SYN3: variants seen among roughly 807,000 people sequenced by gnomAD.
The protein encoded by SYN3 is synapsin III.
SYN3 carries 35 observed loss-of-function variants against 65.8 expected under a neutral mutation model. The observed-to-expected ratio is 0.53, with a 90% CI of 0.41 to 0.70. The LOEUF is 0.70. Among genes scored for constraint, SYN3 ranks in the 30% least tolerant of loss-of-function variants. The pLI, the probability that SYN3 is intolerant of heterozygous loss-of-function variation, is 0.00. For synonymous variants in SYN3, 270 were observed against 292.9 expected (o/e 0.92, Z 0.80); for missense variants, 680 against 749.0 (o/e 0.91, Z 1.08).
intron 6 of SYN3, among the ~76,000 whole-genome samples, chr22:32,660,502 C>A (rs2060202230): frequency 6.6e-6 from 1 of 152,142 alleles, no homozygotes; most frequent in African/African-American, 2.4e-5. Context: ...GAAGAGACCA[C>A]TTCCTCTCTA....
chr22:32,885,585 G>C (rs2049266168), intron 4 of SYN3, among the ~76,000 whole-genome samples: 1 of 150,950 alleles, frequency 6.6e-6, no homozygotes, highest in Admixed American at 6.6e-5. Context: ...TTTTGAGATA[G>C]AGTCTCGCTC....
intron 6 of SYN3, among the ~76,000 whole-genome samples, chr22:32,739,173 C>CG (rs367627898): frequency 0.032 from 4,106 of 128,210 alleles, 65 homozygotes; most frequent in Admixed American, 0.04. Context: ...AATTGAATCA[C>CG]AGGGGGGGGG....
chr22:32,705,766 G>C (rs1223988682), intron 6 of SYN3, among the ~76,000 whole-genome samples: 1 of 152,074 alleles, frequency 6.6e-6, no homozygotes, highest in African/African-American at 2.4e-5. Context: ...GTAGAGATCT[G>C]TCACCTCCCT....
At chr22:32,570,807 T>A (rs1247727364) in intron 7 of SYN3, among the ~76,000 whole-genome samples, 1 of 152,118 alleles carries the variant, frequency 6.6e-6, no homozygotes, top group African/African-American at 2.4e-5. Context: ...TGCTCAGCAC[T>A]GGGATGCTGA....
rs967865878 is a variant in SYN3 at position 32,508,102 on chromosome 22, G to T, written c.*5590C>A. Among the ~76,000 whole-genome samples the T allele has an allele frequency of 6.6e-6, 1 of 152,094 alleles. No individual in the cohort carries two copies. Among genetic ancestry groups the T allele is most frequent in the East Asian group, 1.9e-4 (1 of 5,178 alleles). On this transcript the variant is annotated 3_prime_UTR_variant, in exon 14 of 14. Transcript: ENST00000358763. ...GCCTCTGAGCCCAAGCCAAGCCATC[G>T]CATCCCCTGTGACTTGCGCGTATAC...
chr22:32,786,223 C>T (rs2046191087), intron 6 of SYN3, among the ~76,000 whole-genome samples: 1 of 152,106 alleles, frequency 6.6e-6, no homozygotes, highest in African/African-American at 2.4e-5. Context: ...AAATCTTTTG[C>T]ATAAGAGCAC....
At chr22:32,616,493 G>A (rs1260464915) in intron 6 of SYN3, among the ~76,000 whole-genome samples, 2 of 152,156 alleles carry the variant, frequency 1.3e-5, no homozygotes, top group Admixed American at 1.3e-4. Context: ...ACAGACACAG[G>A]GCACTGAATC....
intron 6 of SYN3, among the ~76,000 whole-genome samples, chr22:32,830,069 G>A (rs753139935): frequency 1.3e-5 from 2 of 152,180 alleles, no homozygotes; most frequent in African/African-American, 2.4e-5. Flanking sequence ...TGGGGCAGCC[G>A]ACATTTCAGG....
At chr22:32,882,639 G>A (rs920913660) in intron 4 of SYN3, among the ~76,000 whole-genome samples, 2 of 152,074 alleles carry the variant, frequency 1.3e-5, no homozygotes, top group Admixed American at 1.3e-4. Flanking sequence ...CTCCAGAGCG[G>A]GTGTCTTAAC....
At chr22:32,838,017 C>A (rs372185808) in intron 6 of SYN3, among the ~76,000 whole-genome samples, 7 of 152,206 alleles carry the variant, frequency 4.6e-5, no homozygotes, top group Non-Finnish European at 5.9e-5. Context: ...CTCCCTCCGG[C>A]GCCTCCAGGC....
At chr22:32,884,240 A>C (rs1418507433) in intron 4 of SYN3, among the ~76,000 whole-genome samples, 1 of 152,248 alleles carries the variant, frequency 6.6e-6, no homozygotes, top group Non-Finnish European at 1.5e-5. Flanking sequence ...GTTAAGGCCA[A>C]CACTGGCTAA....
chr22:32,935,689 C>A (rs564165842), intron 3 of SYN3, among the ~76,000 whole-genome samples: 1 of 152,056 alleles, frequency 6.6e-6, no homozygotes, highest in Non-Finnish European at 1.5e-5. Context: ...GACCTCAGGG[C>A]GATCCACCCG....
At chr22:32,635,375 T>C (rs1403171733) in intron 6 of SYN3, among the ~76,000 whole-genome samples, 1 of 152,186 alleles carries the variant, frequency 6.6e-6, no homozygotes, top group Non-Finnish European at 1.5e-5. Context: ...GGAAGCTCAG[T>C]AGATGTTGGT....
chr22:32,864,782 G>A (rs1331921247), intron 6 of SYN3, 133 bp downstream of exon 6: 4 of 788,884 alleles, frequency 5.1e-6, no homozygotes, highest in Non-Finnish European at 8.4e-6. Context: ...AGGACACTGT[G>A]ACTCCGCCTT....
intron 8 of SYN3, among the ~76,000 whole-genome samples, chr22:32,539,284 G>C (rs1171820832): frequency 6.6e-6 from 1 of 151,368 alleles, no homozygotes. Context: ...ACCATTCTGA[G>C]ACTGGGCACA....
chr22:32,890,197 G>A (rs2049406523), intron 4 of SYN3, among the ~76,000 whole-genome samples: 1 of 148,718 alleles, frequency 6.7e-6, no homozygotes, highest in Admixed American at 6.9e-5. Context: ...TCTCACCTCG[G>A]CCTCCCAAGC....
Position 32,703,634 on chromosome 22 carries a change from C to T in SYN3, c.712-106898G>A, listed in dbSNP as rs772952259. Among the ~76,000 whole-genome samples the T allele has an allele frequency of 4.2e-5, 6 of 143,834 alleles. No homozygotes were observed. In the Admixed American group the frequency reaches 4.2e-4, roughly 10 times the overall value. The allele number at this position is 143,834 out of a possible 152,430, so 94.4% of individuals were successfully genotyped here. On this transcript the variant is annotated intron_variant, in intron 6 of 13. Transcript: ENST00000358763. ...CCTGGGTGACAGAGGGAGACTCCAT[C>T]GCTTAAAAAAAAAAAAAAAAGAGAG...
rs57139579 is a variant in SYN3 at position 32,836,287 on chromosome 22, G to T, written c.711+28628C>A. 9.4e-3 allele frequency among the ~76,000 whole-genome samples: 1,437 copies of T among 152,302 alleles called. 22 individuals carry two copies. The highest frequency in any genetic ancestry group is 0.033 in the African/African-American group (1,383 of 41,554). On this transcript the variant is annotated intron_variant, in intron 6 of 13. Transcript: ENST00000358763. Reference sequence around the variant, plus strand: ...AGTAAGTGCTCAGTGAATATTTACTGAATGAATAAGAGGTTTAGGCACCAT... The same window carrying T: ...AGTAAGTGCTCAGTGAATATTTACTTAATGAATAAGAGGTTTAGGCACCAT...
intron 6 of SYN3, among the ~76,000 whole-genome samples, chr22:32,662,511 G>C (rs1263234151): frequency 6.6e-6 from 1 of 152,140 alleles, no homozygotes; most frequent in African/African-American, 2.4e-5. Context: ...CACATGCTTT[G>C]GCATCTTATT....
Sources: gnomAD v4.1 joint callset for allele counts (sites outside exome capture counted in the v4.1 genomes callset) on GRCh38, gnomAD v4.1.1 for gene constraint, MANE v1.5 for transcripts, NCBI Gene and HGNC (gene_info 2026-07-23, HGNC 2026-07-21) for gene names.